Variants in TUBA1C observed in about 807,000 individuals in gnomAD.
The protein encoded by TUBA1C is tubulin alpha 1c.
TUBA1C carries 16 observed loss-of-function variants against 34.9 expected under a neutral mutation model. The ratio of observed to expected loss-of-function variants is 0.46; its 90% CI spans 0.31 to 0.70. TUBA1C has a LOEUF of 0.70. Ranked by LOEUF, TUBA1C falls within the 30% of genes least tolerant of loss-of-function variation. TUBA1C has a pLI of 0.05. For missense variants in TUBA1C, 329 were observed against 587.3 expected (o/e 0.56, Z 4.55); for synonymous variants, 177 against 215.9 (o/e 0.82, Z 1.58).
intron 1 of TUBA1C, among the ~76,000 whole-genome samples, chr12:49,239,881 G>A (rs1198284824): frequency 1.3e-5 from 2 of 152,076 alleles, no homozygotes; most frequent in Non-Finnish European, 1.5e-5. Flanking sequence ...TTTTTTCAGG[G>A]CCTCTGGCTT....
At chr12:49,246,637 T>C (rs1417528959) in intron 1 of TUBA1C, among the ~76,000 whole-genome samples, 3 of 151,040 alleles carry the variant, frequency 2.0e-5, no homozygotes, top group Non-Finnish European at 4.4e-5. Flanking sequence ...ATCGCACCAC[T>C]GCACTCTAGC....
chr12:49,254,499 A>C (rs1181360583), intron 1 of TUBA1C, among the ~76,000 whole-genome samples: 3 of 151,562 alleles, frequency 2.0e-5, no homozygotes, highest in East Asian at 1.9e-4. Flanking sequence ...AAAAAAAAAA[A>C]AAAAAAAAAC....
exon 1 of TUBA1C, chr12:49,228,000 G>A: frequency 6.5e-7 from 1 of 1,535,674 alleles, no homozygotes; most frequent in Non-Finnish European, 8.7e-7. Flanking sequence ...AGGGATGAGT[G>A]CTTTGTGTGC....
intron 1 of TUBA1C, among the ~76,000 whole-genome samples, chr12:49,237,628 C>T (rs1182500555): frequency 6.6e-6 from 1 of 151,472 alleles, no homozygotes; most frequent in Non-Finnish European, 1.5e-5. Flanking sequence ...GCCTGCAGTC[C>T]CAGCTACTTG....
At chr12:49,258,016 A>G (rs1198072488) in intron 1 of TUBA1C, 1 of 157,332 alleles carries the variant, frequency 6.4e-6, no homozygotes, top group Admixed American at 6.5e-5. Context: ...GTGCCACCAC[A>G]TCCGGCTAAT....
intron 1 of TUBA1C, among the ~76,000 whole-genome samples, chr12:49,259,716 G>GT (rs766259627): frequency 1.6e-4 from 25 of 152,314 alleles, no homozygotes; most frequent in South Asian, 8.3e-4. Flanking sequence ...CTGTACATGA[G>GT]TAAGAAGAGA....
intron 1 of TUBA1C, among the ~76,000 whole-genome samples, chr12:49,240,103 CA>C (rs527246129): frequency 2.0e-4 from 30 of 150,866 alleles, no homozygotes; most frequent in African/African-American, 5.4e-4. Context: ...ACAGACATCC[CA>C]AGAGCATTCT....
intron 1 of TUBA1C, among the ~76,000 whole-genome samples, chr12:49,248,896 A>T (rs1942704578): frequency 6.6e-6 from 1 of 151,444 alleles, no homozygotes; most frequent in South Asian, 2.1e-4. Context: ...AAAAGTTAGA[A>T]ATCAACAACA....
intron 1 of TUBA1C, among the ~76,000 whole-genome samples, chr12:49,242,441 G>GT (rs1435616910): frequency 6.6e-6 from 1 of 151,942 alleles, no homozygotes; most frequent in Non-Finnish European, 1.5e-5. Flanking sequence ...GAGTTATTTT[G>GT]TTTTTTTGTT....
intron 1 of TUBA1C, among the ~76,000 whole-genome samples, chr12:49,250,935 G>A (rs1942726341): frequency 6.6e-6 from 1 of 152,196 alleles, no homozygotes. Context: ...AGCTGGGCAT[G>A]GTGGCTCACA....
intron 1 of TUBA1C, chr12:49,233,440 G>T (rs992448383): frequency 6.6e-6 from 1 of 152,160 alleles, no homozygotes; most frequent in Admixed American, 6.5e-5. Flanking sequence ...TGCTCTTCTG[G>T]CTGGATCCAG....
upstream of TUBA1C, chr12:49,265,077 CT>C: frequency 1.4e-6 from 2 of 1,424,752 alleles, no homozygotes; most frequent in South Asian, 3.2e-5. Flanking sequence ...GCCGGCCACC[CT>C]TTCACTACTT....
chr12:49,237,748 A>AGAG (rs1410442134), intron 1 of TUBA1C, among the ~76,000 whole-genome samples: 1 of 149,156 alleles, frequency 6.7e-6, no homozygotes. Context: ...AAAAAAAAAA[A>AGAG]AGAGAGAGAG....
chr12:49,264,158 T>G (rs371322165), upstream of TUBA1C, among the ~76,000 whole-genome samples: 217 of 149,766 alleles, frequency 1.4e-3, 1 homozygote, highest in African/African-American at 5.2e-3. Flanking sequence ...AGGCAGAGGT[T>G]GCAGTGAGCT....
At chr12:49,264,792 T>C (rs931238320), upstream of TUBA1C, 9 of 168,514 alleles carry the variant, frequency 5.3e-5, no homozygotes, top group African/African-American at 2.4e-4. Context: ...CCAGAGCCCT[T>C]CCTGCCCTTC....
intron 1 of TUBA1C, among the ~76,000 whole-genome samples, chr12:49,235,689 G>GA (rs1428160127): frequency 6.8e-6 from 1 of 146,130 alleles, no homozygotes; most frequent in African/African-American, 2.5e-5. Flanking sequence ...CCTGGGAGGC[G>GA]AAAGTTGCAC....
At chr12:49,235,401 C>T (rs899188799) in intron 1 of TUBA1C, among the ~76,000 whole-genome samples, 2 of 152,114 alleles carry the variant, frequency 1.3e-5, no homozygotes, top group South Asian at 2.1e-4. Context: ...GGTTGCAGGT[C>T]AGCGCCCCAT....
chr12:49,271,550 A>G (rs560129851), intron 3 of TUBA1C, among the ~76,000 whole-genome samples: 1 of 152,336 alleles, frequency 6.6e-6, no homozygotes, highest in African/African-American at 2.4e-5. Context: ...GGTGATTACT[A>G]TTCTCACTTA....
chr12:49,229,906 G>A (rs1479196539), intron 1 of TUBA1C, among the ~76,000 whole-genome samples: 1 of 152,030 alleles, frequency 6.6e-6, no homozygotes, highest in Non-Finnish European at 1.5e-5. Flanking sequence ...TCCTGCCTCA[G>A]CCTCCCTAGT....
Sources: allele counts gnomAD v4.1 joint callset (sites outside exome capture counted in the v4.1 genomes callset), GRCh38; gene constraint gnomAD v4.1.1; transcripts MANE v1.5; gene names NCBI Gene and HGNC (gene_info 2026-07-23, HGNC 2026-07-21).